Variants in DHX32 observed in about 807,000 individuals in gnomAD.
DHX32 encodes the protein DEAH-box helicase 32 (putative).
In DHX32, 51 loss-of-function variants were observed where a neutral mutation model predicts 70.0. The observed-to-expected ratio is 0.73, with a 90% CI of 0.58 to 0.92. The LOEUF (loss-of-function observed/expected upper bound fraction) is 0.92, where lower values mean the gene tolerates loss of function less well. DHX32 is among the 40% of genes least tolerant of loss of function. The pLI is 0.00. For synonymous variants in DHX32, 310 were observed against 315.3 expected (o/e 0.98, Z 0.18); for missense variants, 762 against 891.8 (o/e 0.85, Z 1.85).
chr10:125,894,059 G>A (rs1944387035), intron 1 of DHX32, among the ~76,000 whole-genome samples: 1 of 152,288 alleles, frequency 6.6e-6, no homozygotes, highest in African/African-American at 2.4e-5. Context: ...AAACAATAAT[G>A]TAACTATTCT....
In DHX32 at chr10:125,866,182, C is replaced by T. The variant is rs750482354; in HGVS notation, c.476+808G>A. Among the ~76,000 whole-genome samples the T allele has an allele frequency of 6.6e-6, 1 of 152,166 alleles. No homozygotes were observed. The highest frequency in any genetic ancestry group is 6.5e-5 in the Admixed American group (1 of 15,278). ...CCAGGCAGCTGTGACCATTTCCTTGCGGTACTGTATGGATACTATCACTTT... is the reference window on the plus strand; with the variant it reads ...CCAGGCAGCTGTGACCATTTCCTTGTGGTACTGTATGGATACTATCACTTT... On this transcript the variant is annotated intron_variant, in intron 2 of 10. Transcript: ENST00000284690. This position sits in a 1 kb window ranked among gnomAD's most constrained non-coding sequence, Gnocchi z 4.8.
intron 1 of DHX32, among the ~76,000 whole-genome samples, chr10:125,888,762 G>C (rs61870750): frequency 6.6e-6 from 1 of 152,274 alleles, no homozygotes; most frequent in African/African-American, 2.4e-5. Context: ...AAAGTAAAAG[G>C]TATTAATTCT....
Position 125,867,123 on chromosome 10 carries a change from A to G in DHX32, c.343T>C (p.Cys115Arg). The G allele has an allele frequency of 2.5e-6, 4 of 1,614,216 alleles. No homozygotes were observed. Among genetic ancestry groups the G allele is most frequent in the South Asian group, 1.1e-5 (1 of 91,086 alleles). ...SIHYQHGGVICTQVHKQTVVQ... is the reference protein window; with the variant it reads ...SIHYQHGGVIRTQVHKQTVVQ... Reference sequence around the variant, plus strand: ...ACAGTCTGCTTGTGGACCTGTGTGCATATCACGCCCCCGTGCTGGTAGTGG... The same window carrying G: ...ACAGTCTGCTTGTGGACCTGTGTGCGTATCACGCCCCCGTGCTGGTAGTGG... Residue 115 changes from cysteine to arginine, a missense_variant, in exon 2 of 11, where the codon TGC becomes CGC. By Grantham distance (180) the Cys-to-Arg change is radical. This residue lies in a region of DHX32 where 394 missense variants were observed against 473.1 expected (regional missense o/e 0.83). Transcript: ENST00000284690.
intron 1 of DHX32, among the ~76,000 whole-genome samples, chr10:125,873,202 C>T (rs746139596): frequency 2.6e-5 from 4 of 152,242 alleles, no homozygotes; most frequent in Admixed American, 6.5e-5. Context: ...ATGAGCTACA[C>T]TGGTGTAGAA....
intron 3 of DHX32, among the ~76,000 whole-genome samples, chr10:125,855,153 C>A (rs1944135105): frequency 6.7e-6 from 1 of 148,484 alleles, no homozygotes; most frequent in Non-Finnish European, 1.5e-5. Flanking sequence ...ACCCGGGAGA[C>A]AGAGGTTGCA....
chr10:125,850,423 T>G (rs921488700), intron 6 of DHX32, among the ~76,000 whole-genome samples: 7 of 147,434 alleles, frequency 4.7e-5, no homozygotes, highest in Admixed American at 2.7e-4. Context: ...AATGGCGCAA[T>G]CTTGGTTCAC....
In DHX32 at chr10:125,852,338, T is replaced by C. The variant is rs1277283025; in HGVS notation, c.1306A>G (p.Ile436Val). 2 of 1,614,224 alleles carry C rather than the reference T, an allele frequency of 1.2e-6. No individual in the cohort carries two copies. The highest frequency in any genetic ancestry group is 2.2e-5 in the South Asian group (2 of 91,086). Reference sequence around the variant, plus strand: ...CAGTGGCCTAGGCCCGCAATGTCTATCCTCTTCATAAAAAGCACCATGCTT... The same window carrying C: ...CAGTGGCCTAGGCCCGCAATGTCTACCCTCTTCATAAAAAGCACCATGCTT... ...LTSMVLFMKRIDIAGLGHCDF... is the reference protein window; with the variant it reads ...LTSMVLFMKRVDIAGLGHCDF... Residue 436 changes from isoleucine to valine, a missense_variant, in exon 6 of 11, where the codon ATA becomes GTA. Transcript: ENST00000284690.
chr10:125,867,593 A>G (rs139956891), intron 1 of DHX32, among the ~76,000 whole-genome samples: 6,975 of 152,106 alleles, frequency 0.046, 169 homozygotes, highest in Middle Eastern at 0.072. Context: ...AAAATTAGCT[A>G]GGCGTGGTGG....
At chr10:125,847,670 A>C (rs1449214245) in intron 6 of DHX32, among the ~76,000 whole-genome samples, 1 of 152,126 alleles carries the variant, frequency 6.6e-6, no homozygotes, top group African/African-American at 2.4e-5. Context: ...TTATTATTAC[A>C]TTGTAATATA....
At chr10:125,836,896 AGGT>A (rs2134018645) in intron 10 of DHX32, 41 bp from the exon 11 acceptor site, 1 of 1,576,444 alleles carries the variant, frequency 6.3e-7, no homozygotes, top group Non-Finnish European at 8.7e-7. Context: ...TGAGTGGGGA[AGGT>A]GGTGAGAGAC....
At chr10:125,847,849 C>G (rs1017729217) in intron 6 of DHX32, among the ~76,000 whole-genome samples, 6 of 151,994 alleles carry the variant, frequency 3.9e-5, no homozygotes, top group African/African-American at 1.5e-4. Context: ...ATGTGCAGTT[C>G]ATAATAGGGT....
At chr10:125,844,133 A>C (rs1414663965) in intron 6 of DHX32, among the ~76,000 whole-genome samples, 1 of 152,214 alleles carries the variant, frequency 6.6e-6, no homozygotes, top group Non-Finnish European at 1.5e-5. Context: ...CAGATGGGCT[A>C]TTCAGAAAAA....
intron 1 of DHX32, among the ~76,000 whole-genome samples, chr10:125,894,882 C>T (rs944102577): frequency 6.6e-6 from 1 of 152,310 alleles, no homozygotes; most frequent in Non-Finnish European, 1.5e-5. Context: ...ACTTGAGAAC[C>T]ACTGGATACA....
chr10:125,841,272 G>C (rs1333445007), intron 7 of DHX32: 1 of 1,614,114 alleles, frequency 6.2e-7, no homozygotes, highest in Admixed American at 1.7e-5. Context: ...GAAAACCTGA[G>C]GTGCTTGGAG....
Position 125,852,615 on chromosome 10 carries a change from A to C in DHX32, c.1120T>G (p.Ser374Ala), listed in dbSNP as rs549243975. 4 of 1,612,340 alleles carry C rather than the reference A, an allele frequency of 2.5e-6. No individual in the cohort carries two copies. The Admixed American group carries it at 6.7e-5, about 27-fold the overall frequency. ...TGGCTGATGGGCTGCATGACGAGCG[A>C]GTTTGCTCTTATTCTCGGGTTGTAC... ...KVYNPRIRAN[S>A]LVMQPISQSQ... is the part of the protein sequence containing the mutation. Residue 374 changes from serine to alanine, a missense_variant, in exon 5 of 11, where the codon TCG becomes GCG. Coordinates refer to ENST00000284690, the MANE Select transcript of DHX32 (RefSeq NM_018180.3).
At chr10:125,850,577 AC>A (rs1944078342) in intron 6 of DHX32, among the ~76,000 whole-genome samples, 1 of 148,744 alleles carries the variant, frequency 6.7e-6, no homozygotes, top group South Asian at 2.1e-4. Flanking sequence ...CTGGTCTTGA[AC>A]TCCTGACCTG....
In DHX32 at chr10:125,838,282, C is replaced by G. The variant is rs377344904; in HGVS notation, c.1987G>C (p.Glu663Gln). Reference sequence around the variant, plus strand: ...CTGAATTTATGGAAGAGGACCCACTCTGGCATCTTCTTGGTGATTGAGTAA... The same window carrying G: ...CTGAATTTATGGAAGAGGACCCACTGTGGCATCTTCTTGGTGATTGAGTAA... The part of the protein sequence containing the change: ...SGYSITKKMP[E>Q]WVLFHKFSIS... Residue 663 changes from glutamate (E) to glutamine (Q), a missense_variant, in exon 10 of 11, where the codon GAG becomes CAG. By Grantham distance (29) the Glu-to-Gln change is conservative. Around this residue, in one of 3 missense-constraint regions of DHX32, gnomAD observed 366 missense variants for 402.6 expected, o/e 0.91. Transcript: ENST00000284690. 35 of 1,613,974 alleles carry G rather than the reference C, an allele frequency of 2.2e-5. No individual in the cohort carries two copies. The African/African-American group carries it at 4.0e-4, about 18-fold the overall frequency.
intron 2 of DHX32, among the ~76,000 whole-genome samples, chr10:125,860,349 A>C (rs2366049): frequency 0.78 from 118,089 of 152,090 alleles, 46,164 homozygotes; most frequent in South Asian, 0.8. Flanking sequence ...TTTCCTCTCG[A>C]ATTCATCAAT....
intron 2 of DHX32, among the ~76,000 whole-genome samples, chr10:125,865,016 T>C (rs1268935354): frequency 1.5e-5 from 2 of 135,398 alleles, no homozygotes; most frequent in African/African-American, 2.8e-5. Flanking sequence ...GCTCTTATAA[T>C]ATCTCATTTT....
Sources: allele counts gnomAD v4.1 joint callset (sites outside exome capture counted in the v4.1 genomes callset), GRCh38; gene constraint gnomAD v4.1.1; regional missense constraint gnomAD v4.1.1; non-coding constraint Gnocchi (gnomAD v3.1); transcripts MANE v1.5; gene names NCBI Gene and HGNC (gene_info 2026-07-23, HGNC 2026-07-21).